The following AGTPBP1 variants were observed in gnomAD, a reference collection of about 807,000 sequenced individuals.
The protein encoded by AGTPBP1 is cytosolic carboxypeptidase 1.
Under a neutral mutation model 143.9 loss-of-function variants are expected in AGTPBP1, and 70 were observed. That is an observed-to-expected ratio of 0.49 (90% CI 0.40 to 0.59). The LOEUF (loss-of-function observed/expected upper bound fraction) is 0.59. AGTPBP1 is among the 20% of genes least tolerant of loss of function. The pLI is 0.00. For synonymous variants in AGTPBP1, 463 were observed against 500.2 expected (o/e 0.93, Z 0.99); for missense variants, 1,229 against 1,464.5 (o/e 0.84, Z 2.62).
the AGTPBP1 span, among the ~76,000 whole-genome samples, chr9:85,750,927 G>A: frequency 6.6e-6 from 1 of 152,194 alleles, no homozygotes; most frequent in Non-Finnish European, 1.5e-5. Flanking sequence ...GTTCCCCACA[G>A]TGACTACCTA....
chr9:85,731,244 C>T (rs1371576814), intron 1 of AGTPBP1, among the ~76,000 whole-genome samples: 1 of 152,176 alleles, frequency 6.6e-6, no homozygotes, highest in Non-Finnish European at 1.5e-5. Context: ...TGCCTAACTG[C>T]TATTTTGAAA....
intron 25 of AGTPBP1, among the ~76,000 whole-genome samples, chr9:85,556,726 A>AT: frequency 6.6e-6 from 1 of 152,332 alleles, no homozygotes; most frequent in Non-Finnish European, 1.5e-5. Flanking sequence ...CAAAGAAGAG[A>AT]CATTTTATGA....
chr9:85,718,022 G>A (rs1330430856), intron 1 of AGTPBP1, among the ~76,000 whole-genome samples: 1 of 152,098 alleles, frequency 6.6e-6, no homozygotes, highest in Non-Finnish European at 1.5e-5. Context: ...CATTTTTTAT[G>A]GCTGCATAGT....
At chr9:85,576,782 G>A (rs937863577) in intron 24 of AGTPBP1, among the ~76,000 whole-genome samples, 1 of 152,032 alleles carries the variant, frequency 6.6e-6, no homozygotes, top group African/African-American at 2.4e-5. Context: ...ACCTAAAACT[G>A]CTCTAAAAAA....
chr9:85,636,918 T>C (rs563129589), intron 13 of AGTPBP1, among the ~76,000 whole-genome samples: 2 of 152,032 alleles, frequency 1.3e-5, no homozygotes, highest in East Asian at 3.9e-4. Context: ...AAAAAGTATA[T>C]GTTAAAAGCC....
intron 23 of AGTPBP1, among the ~76,000 whole-genome samples, chr9:85,582,079 A>G (rs1310562416): frequency 1.3e-5 from 2 of 152,220 alleles, no homozygotes; most frequent in African/African-American, 2.4e-5. Flanking sequence ...AGCTAATTTT[A>G]AACTTAGAGA....
At chr9:85,648,812 A>G (rs545976915) in intron 11 of AGTPBP1, among the ~76,000 whole-genome samples, 8 of 152,238 alleles carry the variant, frequency 5.3e-5, no homozygotes, top group African/African-American at 1.9e-4. Flanking sequence ...ACTCCGTCTC[A>G]AAAAAAAGAG....
chr9:85,783,625 GT>G, the AGTPBP1 span, among the ~76,000 whole-genome samples: 129 of 147,464 alleles, frequency 8.7e-4, no homozygotes, highest in Non-Finnish European at 1.4e-3. Context: ...TTGGTGCATT[GT>G]TTTTTTTTTG....
intron 14 of AGTPBP1, among the ~76,000 whole-genome samples, chr9:85,630,432 T>C (rs1320705268): frequency 6.6e-6 from 1 of 151,566 alleles, no homozygotes; most frequent in African/African-American, 2.4e-5. Flanking sequence ...AGAGTCTTGC[T>C]CTGTCACCCA....
At chr9:85,769,713 T>C in the AGTPBP1 span, among the ~76,000 whole-genome samples, 1 of 151,950 alleles carries the variant, frequency 6.6e-6, no homozygotes, top group Non-Finnish European at 1.5e-5. Flanking sequence ...TTATGCCATA[T>C]TGTGCTTTTT....
intron 1 of AGTPBP1, among the ~76,000 whole-genome samples, chr9:85,735,823 C>T (rs927276185): frequency 2.0e-5 from 3 of 152,112 alleles, no homozygotes; most frequent in South Asian, 2.1e-4. Flanking sequence ...TTTTTATTAA[C>T]ATTATCCGAC....
chr9:85,746,452 C>A (rs888810322), upstream of AGTPBP1, among the ~76,000 whole-genome samples: 1 of 152,042 alleles, frequency 6.6e-6, no homozygotes, highest in Non-Finnish European at 1.5e-5. Flanking sequence ...TGAGACCCCC[C>A]ACATCTCTAC....
Position 85,586,876 on chromosome 9 carries a change from A to G in AGTPBP1, c.2988T>C (p.Ala996=). Residue 996 remains alanine (A), a synonymous_variant, in exon 22 of 26, where the codon GCT becomes GCC. Transcript: ENST00000357081. ...CAGCCAAGTATTGCAACAGCCCCTTAGCATGGTAAATTGTAGGATGTAAAT... is the reference window on the plus strand; with the variant it reads ...CAGCCAAGTATTGCAACAGCCCCTTGGCATGGTAAATTGTAGGATGTAAAT... The part of the protein sequence containing the change: ...SPDLHPTIYH[A]KGLLQYLAAV... The G allele has an allele frequency of 6.2e-7, 1 of 1,614,046 alleles. No homozygotes were observed. Among genetic ancestry groups the G allele is most frequent in the Non-Finnish European group, 8.5e-7 (1 of 1,179,944 alleles).
chr9:85,798,250 CCTT>C, the AGTPBP1 span, among the ~76,000 whole-genome samples: 1 of 151,962 alleles, frequency 6.6e-6, no homozygotes, highest in Non-Finnish European at 1.5e-5. Context: ...ATGGAGTTCT[CCTT>C]CTAGCAGTTT....
intron 1 of AGTPBP1, among the ~76,000 whole-genome samples, chr9:85,738,112 A>T (rs1006425804): frequency 1.3e-5 from 2 of 152,246 alleles, no homozygotes; most frequent in Non-Finnish European, 2.9e-5. Flanking sequence ...ACATGTAAAG[A>T]GTTTATAATT....
chr9:85,631,464 TG>T (rs758063395), intron 14 of AGTPBP1, among the ~76,000 whole-genome samples: 2 of 152,244 alleles, frequency 1.3e-5, no homozygotes, highest in African/African-American at 2.4e-5. Flanking sequence ...TGCCTCTGGA[TG>T]GTGCCATCTG....
chr9:85,739,755 T>C (rs1824109525), intron 1 of AGTPBP1, among the ~76,000 whole-genome samples: 1 of 150,776 alleles, frequency 6.6e-6, no homozygotes, highest in East Asian at 2.0e-4. Flanking sequence ...GGCTCACGCC[T>C]GTAATCCCTG....
intron 13 of AGTPBP1, among the ~76,000 whole-genome samples, chr9:85,635,111 T>C (rs1211937036): frequency 6.6e-6 from 1 of 152,218 alleles, no homozygotes; most frequent in Non-Finnish European, 1.5e-5. Flanking sequence ...TACAGGGTTT[T>C]CTTTTTTTAC....
At chr9:85,673,965 A>C (rs1834657516) in intron 6 of AGTPBP1, among the ~76,000 whole-genome samples, 2 of 126,480 alleles carry the variant, frequency 1.6e-5, no homozygotes, top group South Asian at 4.4e-4. Flanking sequence ...TTAAAAATAC[A>C]AAAAAAAATT....
Sources: gnomAD v4.1 joint callset for allele counts (sites outside exome capture counted in the v4.1 genomes callset) on GRCh38, gnomAD v4.1.1 for gene constraint, MANE v1.5 for transcripts, NCBI Gene and HGNC (gene_info 2026-07-23, HGNC 2026-07-21) for gene names.